Variants in FOXP2 observed in about 807,000 individuals in gnomAD.
The protein encoded by FOXP2 is forkhead box protein P2.
In FOXP2, 12 loss-of-function variants were observed where a neutral mutation model predicts 115.8. The ratio of observed to expected loss-of-function variants is 0.10; its 90% CI spans 0.07 to 0.17. The LOEUF is 0.17. Among genes scored for constraint, FOXP2 ranks in the 10% least tolerant of loss-of-function variants. FOXP2 has a pLI of 1.00. For synonymous variants in FOXP2, 328 were observed against 297.7 expected, an observed-to-expected ratio of 1.10 and a Z score of -1.05; for missense variants, 629 against 843.5, an observed-to-expected ratio of 0.75 and a Z score of 3.15.
chr7:114,396,230 T>C (rs1352278745), intron 2 of FOXP2, among the ~76,000 whole-genome samples: 5 of 152,086 alleles, frequency 3.3e-5, no homozygotes, highest in Admixed American at 1.3e-4. Flanking sequence ...TCAATTGTTT[T>C]AATTTTTTAC....
At chr7:114,410,456 T>C (rs1793136153), upstream of FOXP2, among the ~76,000 whole-genome samples, 1 of 152,138 alleles carries the variant, frequency 6.6e-6, no homozygotes, top group Non-Finnish European at 1.5e-5. Context: ...GGAGTCCCAC[T>C]GTCTTCATCT....
At chr7:114,616,170 TG>T (rs1195510021) in intron 3 of FOXP2, among the ~76,000 whole-genome samples, 1 of 147,216 alleles carries the variant, frequency 6.8e-6, no homozygotes, top group African/African-American at 2.6e-5. Context: ...TTGTCGTTTT[TG>T]TTTTTTTTTG....
At chr7:114,459,887 A>G (rs773993614) in intron 2 of FOXP2, among the ~76,000 whole-genome samples, 2 of 152,170 alleles carry the variant, frequency 1.3e-5, no homozygotes, top group African/African-American at 4.8e-5. Flanking sequence ...AAGTTCTGGG[A>G]TTACAGGCCT....
At chr7:114,180,144 T>C (rs1049467205) in intron 1 of FOXP2, among the ~76,000 whole-genome samples, 1 of 151,992 alleles carries the variant, frequency 6.6e-6, no homozygotes, top group Non-Finnish European at 1.5e-5. Context: ...TATAATTGCA[T>C]GTGTTTAGAC....
chr7:114,618,488 A>G (rs1342802234), intron 3 of FOXP2, among the ~76,000 whole-genome samples: 1 of 152,172 alleles, frequency 6.6e-6, no homozygotes, highest in African/African-American at 2.4e-5. Flanking sequence ...TATTGAACTG[A>G]ACTTAGGCTA....
At chr7:114,465,497 A>G (rs1414774857) in intron 2 of FOXP2, among the ~76,000 whole-genome samples, 3 of 152,218 alleles carry the variant, frequency 2.0e-5, no homozygotes, top group African/African-American at 7.2e-5. Flanking sequence ...ATGAGAACCA[A>G]TAAAGTCTAA....
intron 3 of FOXP2, among the ~76,000 whole-genome samples, chr7:114,552,689 TACA>T (rs1345237623): frequency 6.6e-6 from 1 of 152,208 alleles, no homozygotes; most frequent in East Asian, 1.9e-4. Flanking sequence ...CCATATTCAT[TACA>T]TACGTTATTC....
At chr7:114,604,361 T>G (rs890347096) in intron 3 of FOXP2, among the ~76,000 whole-genome samples, 2 of 152,168 alleles carry the variant, frequency 1.3e-5, no homozygotes, top group African/African-American at 4.8e-5. Flanking sequence ...AATACAAATT[T>G]TTGTGTGGAT....
chr7:114,459,700 C>T (rs980440962), intron 2 of FOXP2, among the ~76,000 whole-genome samples: 7 of 151,866 alleles, frequency 4.6e-5, no homozygotes, highest in Non-Finnish European at 7.4e-5. Context: ...ACAGCAACCT[C>T]CATCTCCCGG....
chr7:114,340,758 C>T (rs1009194387), intron 2 of FOXP2, among the ~76,000 whole-genome samples: 6 of 150,788 alleles, frequency 4.0e-5, no homozygotes, highest in Admixed American at 3.3e-4. Context: ...GTGATTGCAC[C>T]CCCACTGTGT....
intron 2 of FOXP2, among the ~76,000 whole-genome samples, chr7:114,408,185 A>G (rs1793079154): frequency 6.6e-6 from 1 of 152,176 alleles, no homozygotes; most frequent in African/African-American, 2.4e-5. Context: ...TTTGTCATAA[A>G]AAGACATCAG....
chr7:114,667,307 A>G (rs1807217687), intron 16 of FOXP2: 1 of 152,174 alleles, frequency 6.6e-6, no homozygotes, highest in Non-Finnish European at 1.5e-5. Context: ...GCCTGTATAC[A>G]GTCCTAGCTA....
chr7:114,692,808 G>A lies in FOXP2; in HGVS notation c.*2882G>A, dbSNP rs1585035758. 2.2e-6 allele frequency: 1 copy of A among 447,564 alleles called. No individual in the cohort carries two copies. The highest frequency in any genetic ancestry group is 4.5e-6 in the Non-Finnish European group (1 of 223,484). The allele number at this position is 447,564 out of a possible 1,614,324, so 27.7% of individuals were successfully genotyped here. ...AGCACAAACATCTGTTTATGTATTG[G>A]TGGAATATACCTGTTTTATTTATCT... On this transcript the variant is annotated 3_prime_UTR_variant, in exon 17 of 17. Coordinates refer to ENST00000350908, the MANE Select transcript of FOXP2 (RefSeq NM_014491.4).
At chr7:114,270,909 T>C (rs1584596062) in intron 1 of FOXP2, among the ~76,000 whole-genome samples, 1 of 152,168 alleles carries the variant, frequency 6.6e-6, no homozygotes, top group East Asian at 1.9e-4. Context: ...AGGATTTCTA[T>C]ATTATTTTCA....
At chr7:114,426,183 T>G (rs981698345) in intron 1 of FOXP2, among the ~76,000 whole-genome samples, 10 of 151,662 alleles carry the variant, frequency 6.6e-5, no homozygotes, top group Admixed American at 2.6e-4. Flanking sequence ...CAATCATGCC[T>G]TCATTTAAAC....
intron 16 of FOXP2, among the ~76,000 whole-genome samples, chr7:114,681,393 C>A (rs1203199321): frequency 6.6e-6 from 1 of 152,078 alleles, no homozygotes; most frequent in Non-Finnish European, 1.5e-5. Flanking sequence ...ATTATTTAGT[C>A]ATATTAAGTT....
intron 2 of FOXP2, among the ~76,000 whole-genome samples, chr7:114,372,875 C>G (rs1792047633): frequency 6.6e-6 from 1 of 152,116 alleles, no homozygotes; most frequent in Non-Finnish European, 1.5e-5. Flanking sequence ...GATTTTGAAC[C>G]TTGTTTTCGT....
chr7:114,292,401 A>G (rs1187144631), intron 2 of FOXP2, among the ~76,000 whole-genome samples: 1 of 152,124 alleles, frequency 6.6e-6, no homozygotes, highest in African/African-American at 2.4e-5. Context: ...AAATTCATCC[A>G]TTGCTTCAAG....
intron 1 of FOXP2, among the ~76,000 whole-genome samples, chr7:114,131,263 A>T (rs12666413): frequency 0.14 from 21,175 of 152,132 alleles, 1,946 homozygotes; most frequent in East Asian, 0.39. Flanking sequence ...ATCAGTATGG[A>T]AGAGTCCATT....
Sources: gnomAD v4.1 joint callset for allele counts (sites outside exome capture counted in the v4.1 genomes callset) on GRCh38, gnomAD v4.1.1 for gene constraint, MANE v1.5 for transcripts, NCBI Gene and HGNC (gene_info 2026-07-23, HGNC 2026-07-21) for gene names.